The following DGKB variants were observed in gnomAD, a reference collection of about 807,000 sequenced individuals.
DGKB encodes the protein 90 kDa diacylglycerol kinase.
In DGKB, 67 loss-of-function variants were observed where a neutral mutation model predicts 114.3. The ratio of observed to expected loss-of-function variants is 0.59; its 90% CI spans 0.48 to 0.72. The LOEUF (loss-of-function observed/expected upper bound fraction) is 0.72. Ranked by LOEUF, DGKB falls within the 30% of genes least tolerant of loss-of-function variation. The pLI is 0.00. For synonymous variants in DGKB, 398 were observed against 323.1 expected, an observed-to-expected ratio of 1.23 and a Z score of -2.49; for missense variants, 907 against 975.2, an observed-to-expected ratio of 0.93 and a Z score of 0.93.
At chr7:14,533,436 TAA>T (rs1339977722) in intron 20 of DGKB, among the ~76,000 whole-genome samples, 2 of 151,848 alleles carry the variant, frequency 1.3e-5, no homozygotes, top group African/African-American at 4.8e-5. Flanking sequence ...ATGCATTATA[TAA>T]GTTTCAAAAT....
intron 4 of DGKB, chr7:14,750,320 C>A: frequency 2.4e-6 from 1 of 409,246 alleles, no homozygotes; most frequent in South Asian, 1.7e-5. Flanking sequence ...ATTGGTCTGC[C>A]GTTTGAGAAA....
intron 21 of DGKB, among the ~76,000 whole-genome samples, chr7:14,431,228 TACCTG>T (rs139331600): frequency 0.028 from 4,332 of 152,216 alleles, 215 homozygotes; most frequent in African/African-American, 0.098. Flanking sequence ...CATGACCACT[TACCTG>T]ACCGCTGAAC....
chr7:14,808,839 T>G (rs1843071164), intron 2 of DGKB, among the ~76,000 whole-genome samples: 2 of 152,100 alleles, frequency 1.3e-5, no homozygotes, highest in Admixed American at 1.3e-4. Flanking sequence ...TGACCTTGTG[T>G]AACTCAAGAA....
chr7:14,304,087 A>ACACACACACACACTCTCTCT (rs140836395), intron 23 of DGKB, among the ~76,000 whole-genome samples: 1,596 of 110,044 alleles, frequency 0.015, 24 homozygotes, highest in Non-Finnish European at 0.021. Flanking sequence ...ACACACACAC[A>ACACACACACACACTCTCTCT]CTCTCTCTCT....
At chr7:14,624,278 A>C (rs1325455851) in intron 14 of DGKB, among the ~76,000 whole-genome samples, 1 of 152,194 alleles carries the variant, frequency 6.6e-6, no homozygotes, top group Non-Finnish European at 1.5e-5. Context: ...CATATATATA[A>C]AACATGGCAT....
chr7:14,201,588 A>G (rs1441601332), intron 23 of DGKB, among the ~76,000 whole-genome samples: 2 of 151,934 alleles, frequency 1.3e-5, no homozygotes, highest in South Asian at 2.1e-4. Context: ...GTTGGTAGAC[A>G]AGCTGATGAT....
intron 23 of DGKB, among the ~76,000 whole-genome samples, chr7:14,299,164 C>A (rs186263916): frequency 3.3e-5 from 5 of 152,072 alleles, no homozygotes; most frequent in Non-Finnish European, 7.4e-5. Context: ...TAACTCTATT[C>A]CAAATCTATC....
intron 1 of DGKB, among the ~76,000 whole-genome samples, chr7:14,973,527 G>GTTTTTTTTTTTTTTTTTT (rs11300261): frequency 2.9e-5 from 4 of 137,296 alleles, no homozygotes; most frequent in Non-Finnish European, 4.8e-5. Flanking sequence ...TTGTTTTTTT[G>GTTTTTTTTTTTTTTTTTT]TTTTTTTTTT....
At chr7:14,453,107 C>T (rs1831770848) in intron 21 of DGKB, among the ~76,000 whole-genome samples, 1 of 152,096 alleles carries the variant, frequency 6.6e-6, no homozygotes, top group Non-Finnish European at 1.5e-5. Context: ...GCTTTAGATG[C>T]ATTAACTCAT....
At chr7:14,880,720 C>T (rs1012226003) in intron 1 of DGKB, among the ~76,000 whole-genome samples, 1 of 152,116 alleles carries the variant, frequency 6.6e-6, no homozygotes, top group South Asian at 2.1e-4. Flanking sequence ...TAACAAAATG[C>T]TTAAGTATCA....
intron 14 of DGKB, among the ~76,000 whole-genome samples, chr7:14,625,194 AACACAAAC>A (rs941347304): frequency 2.6e-5 from 4 of 152,128 alleles, no homozygotes; most frequent in Middle Eastern, 3.2e-3. Context: ...CATTCATTTA[AACACAAAC>A]ACACAGACAC....
chr7:14,899,699 G>A (rs1216289629), intron 1 of DGKB, among the ~76,000 whole-genome samples: 2 of 152,062 alleles, frequency 1.3e-5, no homozygotes, highest in East Asian at 3.9e-4. Context: ...AATCGTGAGT[G>A]TGCCAACTTT....
chr7:14,295,667 A>T (rs143262881), intron 23 of DGKB, among the ~76,000 whole-genome samples: 300 of 152,138 alleles, frequency 2.0e-3, no homozygotes, highest in African/African-American at 7.0e-3. Context: ...AAATATGCCA[A>T]CCTTCAAACC....
intron 1 of DGKB, among the ~76,000 whole-genome samples, chr7:14,924,131 C>A (rs1784641339): frequency 6.6e-6 from 1 of 151,690 alleles, no homozygotes; most frequent in African/African-American, 2.4e-5. Flanking sequence ...TGTTTAGTTT[C>A]TTGGTTTTGT....
intron 20 of DGKB, among the ~76,000 whole-genome samples, chr7:14,534,429 G>C (rs1792095438): frequency 6.6e-6 from 1 of 152,070 alleles, no homozygotes; most frequent in African/African-American, 2.4e-5. Flanking sequence ...AATGGACAAA[G>C]TGGGAACAGT....
At chr7:14,946,080 T>C (rs957059993) in intron 1 of DGKB, among the ~76,000 whole-genome samples, 13 of 151,290 alleles carry the variant, frequency 8.6e-5, no homozygotes, top group African/African-American at 3.2e-4. Context: ...TAAAATATTA[T>C]TAATATATGG....
chr7:14,227,039 A>T (rs1790913242), intron 23 of DGKB, among the ~76,000 whole-genome samples: 1 of 152,000 alleles, frequency 6.6e-6, no homozygotes, highest in Non-Finnish European at 1.5e-5. Context: ...ACCAGGCAAG[A>T]ATCTCATTTT....
At chr7:14,904,452 G>C (rs1440221459), upstream of DGKB, among the ~76,000 whole-genome samples, 1 of 152,016 alleles carries the variant, frequency 6.6e-6, no homozygotes, top group Non-Finnish European at 1.5e-5. Flanking sequence ...GAACACGGAA[G>C]AAAGAAAATA....
At chr7:14,639,914 A>T (rs949136709) in intron 13 of DGKB, among the ~76,000 whole-genome samples, 2 of 152,224 alleles carry the variant, frequency 1.3e-5, no homozygotes, top group African/African-American at 4.8e-5. Context: ...TGTTACAGTC[A>T]GAAGTTACAC....
Sources: gnomAD v4.1 joint callset for allele counts (sites outside exome capture counted in the v4.1 genomes callset) on GRCh38, gnomAD v4.1.1 for gene constraint, MANE v1.5 for transcripts, NCBI Gene and HGNC (gene_info 2026-07-23, HGNC 2026-07-21) for gene names.